The following NRDC variants were observed in gnomAD, a reference collection of about 807,000 sequenced individuals.
The protein encoded by NRDC is nardilysin convertase.
A neutral mutation model predicts 147.1 loss-of-function variants in NRDC; 54 were observed. That is an observed-to-expected ratio of 0.37 (90% CI 0.29 to 0.46). The LOEUF (loss-of-function observed/expected upper bound fraction) is 0.46, where lower values mean the gene tolerates loss of function less well. Ranked by LOEUF, NRDC falls within the 20% of genes least tolerant of loss-of-function variation. The probability of loss-of-function intolerance (pLI) is 1.00; values close to 1 mark genes in which losing one functional copy is unlikely to be tolerated. For synonymous variants in NRDC, 440 were observed against 482.1 expected (o/e 0.91, Z 1.14); for missense variants, 1,082 against 1,370.6 (o/e 0.79, Z 3.33).
intron 1 of NRDC, among the ~76,000 whole-genome samples, chr1:51,874,208 C>A (rs1683219630): frequency 1.3e-5 from 2 of 150,020 alleles, no homozygotes; most frequent in South Asian, 4.2e-4. Flanking sequence ...CATAGAAATA[C>A]AGGTCTTTTT....
intron 6 of NRDC, 24 bp from the exon 7 acceptor site, chr1:51,823,810 T>A: frequency 1.3e-6 from 2 of 1,544,964 alleles, no homozygotes; most frequent in African/African-American, 1.4e-5. Context: ...AAAAAAATTA[T>A]AGATATAACT....
Position 51,828,130 on chromosome 1 carries a change from C to T in NRDC, c.867-261G>A, listed in dbSNP as rs72900083. 0.034 allele frequency among the ~76,000 whole-genome samples: 5,123 copies of T among 152,296 alleles called. 283 individuals are homozygous for T. The highest frequency in any genetic ancestry group is 0.12 in the African/African-American group (4,799 of 41,566). On this transcript the variant is annotated intron_variant, in intron 4 of 30. Coordinates refer to ENST00000352171, the MANE Select transcript of NRDC (RefSeq NM_001101662.2). Reference sequence around the variant, plus strand: ...ATAAACTACACCTGAGTGGCCCACCCAGGTGAAGAAACAGACCATAGTCAA... The same window carrying T: ...ATAAACTACACCTGAGTGGCCCACCTAGGTGAAGAAACAGACCATAGTCAA...
At position 51,819,384 on chromosome 1, in the gene NRDC, T is replaced by G. The variant is rs188502000; in HGVS notation, c.1291+416A>C. On this transcript the variant is annotated intron_variant, in intron 9 of 30. Transcript: ENST00000352171. ...ATTTATCTCCCATTTCTTGACATTT[T>G]ATATTTTTATTTAGCAAATATTACT... is the stretch of plus-strand genomic sequence containing the variant. Among the ~76,000 whole-genome samples the G allele has an allele frequency of 9.8e-5, 15 of 152,362 alleles. No homozygotes were observed. In the East Asian group the frequency reaches 2.9e-3, roughly 29 times the overall value.
chr1:51,839,877 A>G (rs1681179108), intron 2 of NRDC: 1 of 163,706 alleles, frequency 6.1e-6, no homozygotes, highest in Non-Finnish European at 1.3e-5. Context: ...AATCCAGGCT[A>G]AGAATTCTGC....
intron 1 of NRDC, among the ~76,000 whole-genome samples, chr1:51,853,809 C>T (rs1365724792): frequency 2.6e-5 from 4 of 152,162 alleles, no homozygotes; most frequent in African/African-American, 9.7e-5. Context: ...AATTAGAGAA[C>T]AAGTCACTTG....
rs566484963 is a variant in NRDC at position 51,848,450 on chromosome 1, T to C, written c.342-7936A>G. Among the ~76,000 whole-genome samples the C allele has an allele frequency of 1.1e-4, 17 of 152,274 alleles. No homozygotes were observed. In the East Asian group the frequency reaches 3.1e-3, roughly 28 times the overall value. On this transcript the variant is annotated intron_variant, in intron 1 of 30. Coordinates refer to ENST00000352171, the MANE Select transcript of NRDC (RefSeq NM_001101662.2). ...GAGCCGAGATAGCGCCACGGCACTC[T>C]AGCCTGAATGACAGAGCGAGACTCC...
chr1:51,867,421 GA>G lies in NRDC; in HGVS notation c.341+10853del, dbSNP rs1430568398. ...TAAGTGCTATAAAAAAAAAGAGTAA[GA>G]AAAAACATGGAGGTAGGAAAACAAA... On this transcript the variant is annotated intron_variant, in intron 1 of 30. Transcript: ENST00000352171. Among the ~76,000 whole-genome samples, 4 of 152,000 alleles carry G rather than the reference GA, an allele frequency of 2.6e-5. No individual in the cohort carries two copies. In the East Asian group the frequency reaches 7.7e-4, roughly 29 times the overall value.
Position 51,789,295 on chromosome 1 carries a change from C to A in NRDC, c.3397G>T (p.Asp1133Tyr). ...AGTGTTGTTGTGAAAGCCCTGATAT[C>A]AGTAATGGGGATGATACAATCTGCC... Reference protein sequence around the residue: ...LLADCIIPITDIRAFTTTLNL... With the variant: ...LLADCIIPITYIRAFTTTLNL... Residue 1133 changes from aspartate to tyrosine, a missense_variant, in exon 31 of 31, where the codon GAT (aspartate) becomes TAT (tyrosine). Physicochemically the swap from Asp to Tyr is radical, Grantham distance 160 (BLOSUM62 -3). Coordinates refer to ENST00000352171, the MANE Select transcript of NRDC (RefSeq NM_001101662.2). The A allele has an allele frequency of 6.2e-7, 1 of 1,614,070 alleles. No homozygotes were observed. Among genetic ancestry groups the A allele is most frequent in the Non-Finnish European group, 8.5e-7 (1 of 1,179,986 alleles).
At chr1:51,807,871 T>C (rs541954282) in intron 17 of NRDC, among the ~76,000 whole-genome samples, 78 of 150,900 alleles carry the variant, frequency 5.2e-4, no homozygotes, top group Non-Finnish European at 9.6e-4. Context: ...AATGGTGCGA[T>C]CTCAACTCAC....
chr1:51,827,244 C>T (rs58609980), intron 5 of NRDC, among the ~76,000 whole-genome samples: 1,809 of 152,214 alleles, frequency 0.012, 64 homozygotes, highest in East Asian at 0.098. Context: ...AAATGCTTTA[C>T]ATCATTATTA....
chr1:51,818,520 T>A (rs1395952218), intron 9 of NRDC, among the ~76,000 whole-genome samples: 1 of 152,222 alleles, frequency 6.6e-6, no homozygotes, highest in Non-Finnish European at 1.5e-5. Flanking sequence ...TCTTTTTGAA[T>A]CTGTTTACTC....
intron 13 of NRDC, 46 bp downstream of exon 13, chr1:51,814,505 T>C: frequency 6.3e-7 from 1 of 1,577,020 alleles, no homozygotes; most frequent in Non-Finnish European, 8.7e-7. Context: ...AAGCCTCAAA[T>C]ATACCAGGAC....
intron 11 of NRDC, among the ~76,000 whole-genome samples, chr1:51,815,436 A>G (rs1311092363): frequency 6.6e-6 from 1 of 152,188 alleles, no homozygotes; most frequent in African/African-American, 2.4e-5. Flanking sequence ...TAGGTTGTCT[A>G]AGAAAGAAAT....
chr1:51,878,679 G>A lies in NRDC; in HGVS notation c.-64C>T, dbSNP rs1251082261. 5 of 1,442,860 alleles carry A rather than the reference G, an allele frequency of 3.5e-6. No individual in the cohort carries two copies. The highest frequency in any genetic ancestry group is 1.4e-5 in the African/African-American group (1 of 71,426). The allele number at this position is 1,442,860 out of a possible 1,614,324, so 89.4% of individuals were successfully genotyped here. A position where few individuals can be genotyped will look rare whatever the true frequency, so the allele number is the denominator to read the frequency against. On this transcript the variant is annotated 5_prime_UTR_variant, in exon 1 of 31. Coordinates refer to ENST00000352171, the MANE Select transcript of NRDC (RefSeq NM_001101662.2). ...GGACCCACCTCCTCCGCGTTCTAGA[G>A]GCGGTGGCGGCCGGCCCTGGTGCTG...
At chr1:51,828,000 CT>C in intron 4 of NRDC, 131 bp from the exon 5 acceptor site, 1 of 681,570 alleles carries the variant, frequency 1.5e-6, no homozygotes, top group Admixed American at 2.7e-5. Context: ...TCTAAATAAT[CT>C]GCATTTCTAT....
At chr1:51,803,686 C>CTATTCTT (rs1251064304) in intron 20 of NRDC, 128 bp downstream of exon 20, 2 of 691,030 alleles carry the variant, frequency 2.9e-6, no homozygotes, top group African/African-American at 3.6e-5. Context: ...CTGTCATCAG[C>CTATTCTT]CAAGAATATT....
chr1:51,825,582 A>G (rs1325684968), intron 5 of NRDC, among the ~76,000 whole-genome samples, 200 bp from the exon 6 acceptor site: 1 of 152,182 alleles, frequency 6.6e-6, no homozygotes, highest in Non-Finnish European at 1.5e-5. Context: ...GGGTAAATCA[A>G]TTCAGCTTAC....
At chr1:51,844,135 G>A (rs1000303178) in intron 1 of NRDC, among the ~76,000 whole-genome samples, 2 of 151,454 alleles carry the variant, frequency 1.3e-5, no homozygotes, top group Admixed American at 6.6e-5. Context: ...GGCTATACTC[G>A]CCTCCACCAC....
chr1:51,799,349 A>T (rs913386107), intron 21 of NRDC, among the ~76,000 whole-genome samples: 7 of 142,730 alleles, frequency 4.9e-5, no homozygotes, highest in African/African-American at 2.0e-4. Context: ...CTCCCCCAGC[A>T]CCCCCACCCC....
Sources: gnomAD v4.1 joint callset for allele counts (sites outside exome capture counted in the v4.1 genomes callset) on GRCh38, gnomAD v4.1.1 for gene constraint, MANE v1.5 for transcripts, NCBI Gene and HGNC (gene_info 2026-07-23, HGNC 2026-07-21) for gene names.